Variants in ZDHHC21 observed in about 807,000 individuals in gnomAD.
ZDHHC21 encodes zDHHC palmitoyltransferase 21.
Under a neutral mutation model 34.6 loss-of-function variants are expected in ZDHHC21, and 15 were observed. The observed-to-expected ratio is 0.43, with a 90% CI of 0.29 to 0.67. The LOEUF (loss-of-function observed/expected upper bound fraction) is 0.67. Ranked by LOEUF, ZDHHC21 falls within the 30% of genes least tolerant of loss-of-function variation. The probability of loss-of-function intolerance (pLI) is 0.14; values close to 1 mark genes in which losing one functional copy is unlikely to be tolerated. For missense variants in ZDHHC21, 344 were observed against 327.7 expected (o/e 1.05, Z -0.38); for synonymous variants, 142 against 101.8 (o/e 1.40, Z -2.38).
chr9:14,680,102 A>G lies in ZDHHC21; in HGVS notation c.-115T>C, dbSNP rs762383300. 2 of 152,306 alleles carry G rather than the reference A, an allele frequency of 1.3e-5. No individual in the cohort carries two copies. Among genetic ancestry groups the G allele is most frequent in the Non-Finnish European group, 2.9e-5 (2 of 67,938 alleles). 9.4% of individuals were successfully genotyped at this position (152,306 alleles called of 1,614,324 possible). On this transcript the variant is annotated 5_prime_UTR_variant, in exon 3 of 10. An upstream start codon of the reference 5' UTR is lost. Transcript: ENST00000380916. ...GCATTTAGAGATTTTCTTTTGATTC[A>G]TTTTTTTTAATTATATCCCACCAAA...
At chr9:14,627,537 T>A (rs1826486027) in intron 8 of ZDHHC21, among the ~76,000 whole-genome samples, 1 of 152,090 alleles carries the variant, frequency 6.6e-6, no homozygotes, top group Non-Finnish European at 1.5e-5. Flanking sequence ...AATACATCTG[T>A]CTCACCCTAC....
At chr9:14,684,820 A>AACCAAAACACCATGGTACTGGT (rs1490197725) in intron 2 of ZDHHC21, among the ~76,000 whole-genome samples, 2 of 152,348 alleles carry the variant, frequency 1.3e-5, no homozygotes, top group Admixed American at 1.3e-4. Context: ...AGGCTACAGT[A>AACCAAAACACCATGGTACTGGT]ACCAAAACAC....
At chr9:14,621,214 T>C (rs927415682) in intron 8 of ZDHHC21, among the ~76,000 whole-genome samples, 1 of 152,030 alleles carries the variant, frequency 6.6e-6, no homozygotes, top group African/African-American at 2.4e-5. Flanking sequence ...AGGAAAGGTA[T>C]ATGAATGGCC....
At chr9:14,683,872 C>T (rs989314103) in intron 2 of ZDHHC21, 10 of 152,120 alleles carry the variant, frequency 6.6e-5, no homozygotes, top group Admixed American at 5.9e-4. Flanking sequence ...TGGGCTTCAT[C>T]GCTAGGATGC....
At position 14,617,408 on chromosome 9, in the gene ZDHHC21, A is replaced by T. The variant is rs1335563713; in HGVS notation, c.*1558T>A. 1 of 151,986 alleles carries T rather than the reference A, an allele frequency of 6.6e-6. No homozygotes were observed. Among genetic ancestry groups the T allele is most frequent in the Non-Finnish European group, 1.5e-5 (1 of 67,934 alleles). 9.4% of individuals were successfully genotyped at this position (151,986 alleles called of 1,614,324 possible). A position where few individuals can be genotyped will look rare whatever the true frequency, so the allele number is the denominator to read the frequency against. ...ACTCTATTATTTCAGAATATGCTAC[A>T]AGATATTTACAATTTCTGAAAGAAC... is the stretch of plus-strand genomic sequence containing the variant. On this transcript the variant is annotated 3_prime_UTR_variant, in exon 10 of 10. Coordinates refer to ENST00000380916, the MANE Select transcript of ZDHHC21 (RefSeq NM_178566.6).
chr9:14,596,816 A>T, the ZDHHC21 span, among the ~76,000 whole-genome samples: 2 of 152,174 alleles, frequency 1.3e-5, no homozygotes, highest in East Asian at 3.9e-4. Flanking sequence ...TCTCCTCCAG[A>T]AAGGGCCTAA....
At chr9:14,634,787 A>T (rs1827980543) in intron 8 of ZDHHC21, among the ~76,000 whole-genome samples, 1 of 152,206 alleles carries the variant, frequency 6.6e-6, no homozygotes, top group South Asian at 2.1e-4. Flanking sequence ...CAAGAAACAT[A>T]AAAAAGCAGG....
At chr9:14,630,168 G>A (rs1038740325) in intron 8 of ZDHHC21, among the ~76,000 whole-genome samples, 21 of 152,202 alleles carry the variant, frequency 1.4e-4, no homozygotes, top group African/African-American at 4.3e-4. Context: ...GTAGGACTTC[G>A]TTAAAAAATG....
chr9:14,600,599 G>A, the ZDHHC21 span, among the ~76,000 whole-genome samples: 2 of 152,016 alleles, frequency 1.3e-5, no homozygotes, highest in African/African-American at 4.8e-5. Flanking sequence ...ATAGATTCAA[G>A]GTTATCCCCA....
chr9:14,658,908 AG>A, intron 6 of ZDHHC21, 21 bp from the exon 7 acceptor site: 1 of 1,592,982 alleles, frequency 6.3e-7, no homozygotes, highest in Non-Finnish European at 8.5e-7. Context: ...AAAATGAAAA[AG>A]AAACAATATT....
At chr9:14,619,550 TTATC>T in intron 9 of ZDHHC21, 85 bp downstream of exon 9, 1 of 1,058,776 alleles carries the variant, frequency 9.4e-7, no homozygotes, top group East Asian at 2.9e-5. Context: ...CATCATTATA[TTATC>T]TATCTACCAT....
chr9:14,643,255 T>A (rs570451491), intron 7 of ZDHHC21, among the ~76,000 whole-genome samples: 85 of 151,508 alleles, frequency 5.6e-4, no homozygotes, highest in East Asian at 1.4e-3. Context: ...CTCAAAAAAA[T>A]ATATATATAT....
intron 8 of ZDHHC21, among the ~76,000 whole-genome samples, chr9:14,624,684 G>A (rs948531006): frequency 6.6e-6 from 1 of 151,948 alleles, no homozygotes; most frequent in Admixed American, 6.6e-5. Flanking sequence ...GATGGTCGAT[G>A]GGTACAAAGT....
At chr9:14,682,261 T>C (rs1345755817) in intron 2 of ZDHHC21, among the ~76,000 whole-genome samples, 1 of 151,764 alleles carries the variant, frequency 6.6e-6, no homozygotes, top group Non-Finnish European at 1.5e-5. Context: ...GGATAAAGAG[T>C]CAAGACCCAT....
intron 5 of ZDHHC21, among the ~76,000 whole-genome samples, chr9:14,664,208 G>A (rs979686007): frequency 1.3e-5 from 2 of 152,106 alleles, no homozygotes; most frequent in African/African-American, 4.8e-5. Flanking sequence ...AAGCGCAAGG[G>A]GTCAGGGAGT....
At chr9:14,619,846 A>G (rs1013719455) in intron 8 of ZDHHC21, among the ~76,000 whole-genome samples, 164 bp from the exon 9 acceptor site, 5 of 150,556 alleles carry the variant, frequency 3.3e-5, no homozygotes, top group Non-Finnish European at 7.4e-5. Flanking sequence ...ACATTGCTGG[A>G]ATCCCCTTGG....
In ZDHHC21 at chr9:14,624,235, C is replaced by T. The variant is rs560300407; in HGVS notation, c.622-4553G>A. Among the ~76,000 whole-genome samples the T allele has an allele frequency of 1.1e-3, 174 of 152,130 alleles. 1 individual carries two copies. Among genetic ancestry groups the T allele is most frequent in the African/African-American group, 4.0e-3 (167 of 41,524 alleles). ...AGGGAAGATGTCCATAAGTTATATT[C>T]AAATACTACACCATTTTACATAAGG... On this transcript the variant is annotated intron_variant, in intron 8 of 9. Coordinates refer to ENST00000380916, the MANE Select transcript of ZDHHC21 (RefSeq NM_178566.6).
chr9:14,651,504 T>C (rs1831237332), intron 7 of ZDHHC21, among the ~76,000 whole-genome samples: 2 of 152,066 alleles, frequency 1.3e-5, no homozygotes, highest in South Asian at 4.1e-4. Flanking sequence ...TTCAGTTACC[T>C]TACCTGTAAG....
At chr9:14,622,553 T>C (rs1369061911) in intron 8 of ZDHHC21, 14 of 985,254 alleles carry the variant, frequency 1.4e-5, no homozygotes, top group Non-Finnish European at 1.7e-5. Context: ...GAGAACCCAG[T>C]CCTCTTGGCA....
Sources: allele counts gnomAD v4.1 joint callset (sites outside exome capture counted in the v4.1 genomes callset), GRCh38; gene constraint gnomAD v4.1.1; transcripts MANE v1.5; gene names NCBI Gene and HGNC (gene_info 2026-07-23, HGNC 2026-07-21).